Variants in LACTB2 observed in about 807,000 individuals in gnomAD.
The protein encoded by LACTB2 is lactamase beta 2, also known as endoribonuclease LACTB2.
A neutral mutation model predicts 34.8 loss-of-function variants in LACTB2; 32 were observed. That is an observed-to-expected ratio of 0.92 (90% CI 0.69 to 1.24). The LOEUF is 1.24. LACTB2 is among the 50% of genes most tolerant of loss of function. The pLI is 0.00. For missense variants in LACTB2, 320 were observed against 345.0 expected (o/e 0.93, Z 0.57); for synonymous variants, 120 against 117.5 (o/e 1.02, Z -0.14).
intron 1 of LACTB2, among the ~76,000 whole-genome samples, chr8:70,664,686 A>AG (rs1275619633): frequency 1.3e-5 from 2 of 152,204 alleles, no homozygotes; most frequent in Non-Finnish European, 2.9e-5. Context: ...CCAAGCTTTG[A>AG]GGGAAAAAAA....
At chr8:70,645,493 CT>C (rs949433328) in intron 3 of LACTB2, among the ~76,000 whole-genome samples, 1,679 of 144,676 alleles carry the variant, frequency 0.012, 28 homozygotes, top group African/African-American at 0.037. Context: ...GAAAAAGACT[CT>C]TTTTTTTTTT....
intron 6 of LACTB2, 147 bp downstream of exon 6, chr8:70,638,401 C>A: frequency 1.2e-6 from 1 of 813,522 alleles, no homozygotes; most frequent in Non-Finnish European, 1.7e-6. Context: ...CCCTGTGCTA[C>A]TGACCTTCCT....
chr8:70,640,002 C>G (rs546938425), intron 5 of LACTB2, among the ~76,000 whole-genome samples: 2 of 152,144 alleles, frequency 1.3e-5, no homozygotes, highest in Admixed American at 6.5e-5. Context: ...GCACTGTCAC[C>G]TAGGCTGGTG....
At chr8:70,648,196 C>G (rs949419918) in intron 3 of LACTB2, among the ~76,000 whole-genome samples, 2 of 152,174 alleles carry the variant, frequency 1.3e-5, no homozygotes, top group South Asian at 4.1e-4. Context: ...CCCCCACATT[C>G]TCAGAGCTCC....
intron 3 of LACTB2, among the ~76,000 whole-genome samples, chr8:70,649,764 T>A (rs1346279177): frequency 2.0e-5 from 3 of 152,184 alleles, no homozygotes. Flanking sequence ...AATTTCTTTC[T>A]CCCTAGACGC....
At chr8:70,659,295 AAGG>A (rs1483512003) in intron 2 of LACTB2, among the ~76,000 whole-genome samples, 1 of 151,902 alleles carries the variant, frequency 6.6e-6, no homozygotes, top group Admixed American at 6.5e-5. Context: ...GGGAGACCAA[AAGG>A]AGATCAGAGA....
intron 5 of LACTB2, among the ~76,000 whole-genome samples, chr8:70,640,105 C>G (rs1818177265): frequency 6.6e-6 from 1 of 152,138 alleles, no homozygotes; most frequent in East Asian, 1.9e-4. Context: ...GGATCACAGG[C>G]ATGTTCCATG....
At chr8:70,641,674 A>G (rs1050868890) in intron 4 of LACTB2, among the ~76,000 whole-genome samples, 1 of 152,216 alleles carries the variant, frequency 6.6e-6, no homozygotes, top group African/African-American at 2.4e-5. Flanking sequence ...ACCCACAGTA[A>G]AACTTTAAGA....
intron 3 of LACTB2, 49 bp from the exon 4 acceptor site, chr8:70,644,292 T>C: frequency 1.5e-6 from 2 of 1,299,288 alleles, no homozygotes; most frequent in Non-Finnish European, 2.1e-6. Context: ...AACTCGAGCT[T>C]AGAAGAAATT....
intron 3 of LACTB2, among the ~76,000 whole-genome samples, chr8:70,657,255 C>A (rs1358095431): frequency 1.3e-5 from 2 of 152,040 alleles, no homozygotes; most frequent in African/African-American, 4.8e-5. Context: ...TTTTTTAAAA[C>A]AATGGTAATC....
intron 3 of LACTB2, among the ~76,000 whole-genome samples, chr8:70,648,746 G>A (rs1386555368): frequency 2.0e-5 from 3 of 152,062 alleles, no homozygotes; most frequent in Non-Finnish European, 4.4e-5. Flanking sequence ...ACAAAGACTC[G>A]CTTTGACTAA....
rs780064327 is a variant in LACTB2, at chr8:70,637,940, T to C, written c.824-37A>G. 2.3e-5 allele frequency: 29 copies of C among 1,263,144 alleles called. No individual in the cohort carries two copies. The South Asian group carries it at 4.0e-4, about 18-fold the overall frequency. The allele number at this position is 1,263,144 out of a possible 1,614,324, so 78.2% of individuals were successfully genotyped here. On this transcript the variant is annotated intron_variant, in intron 6 of 6. Transcript: ENST00000276590. ...AAATCAGAGAGTAAAAATTTAACAA[T>C]AGATAAGTAAATGCACTGAATTTTA... is the stretch of plus-strand genomic sequence containing the variant.
chr8:70,657,916 C>A, intron 2 of LACTB2, 34 bp from the exon 3 acceptor site: 1 of 1,444,704 alleles, frequency 6.9e-7, no homozygotes, highest in South Asian at 1.3e-5. Flanking sequence ...TATTAATTCA[C>A]ACTTTATAAT....
At chr8:70,645,823 C>T (rs1818257444) in intron 3 of LACTB2, among the ~76,000 whole-genome samples, 2 of 151,988 alleles carry the variant, frequency 1.3e-5, no homozygotes, top group Admixed American at 6.6e-5. Context: ...AGGACATGAA[C>T]TCATCATTTT....
chr8:70,648,303 G>A (rs1017086996), intron 3 of LACTB2, among the ~76,000 whole-genome samples: 3 of 152,100 alleles, frequency 2.0e-5, no homozygotes, highest in African/African-American at 2.4e-5. Flanking sequence ...TGAAGACAGC[G>A]CATAAAAACG....
At chr8:70,650,982 A>G (rs1818336296) in intron 3 of LACTB2, among the ~76,000 whole-genome samples, 1 of 152,004 alleles carries the variant, frequency 6.6e-6, no homozygotes, top group Admixed American at 6.6e-5. Context: ...GGAAACTAGT[A>G]AGTTCATCTC....
In LACTB2 at chr8:70,661,751, C is replaced by T. The variant is rs1184297507; in HGVS notation, c.269G>A (p.Cys90Tyr). 1.2e-6 allele frequency: 2 copies of T among 1,608,052 alleles called. No individual in the cohort carries two copies. The highest frequency in any genetic ancestry group is 4.5e-5 in the East Asian group (2 of 44,792). ...CTGTTTACCATTATTGATGCTTTTACAAATATCTCCTATGCCTCCAGAATG... is the reference window on the plus strand; with the variant it reads ...CTGTTTACCATTATTGATGCTTTTATAAATATCTCCTATGCCTCCAGAATG... ...RDHSGGIGDI[C>Y]KSINNDTTYC... The change falls in exon 2 of 7, where the codon TGT becomes TAT. Residue 90 changes from cysteine to tyrosine, a missense_variant. Cys to Tyr is a radical substitution (Grantham distance 194, BLOSUM62 -2). Coordinates refer to ENST00000276590, the MANE Select transcript of LACTB2 (RefSeq NM_016027.3).
intron 3 of LACTB2, among the ~76,000 whole-genome samples, chr8:70,655,206 G>A (rs1477236382): frequency 7.0e-6 from 1 of 142,642 alleles, no homozygotes; most frequent in Non-Finnish European, 1.5e-5. Context: ...TACAAATGCC[G>A]TTAATTAATT....
At chr8:70,647,668 A>T (rs1229934662) in intron 3 of LACTB2, among the ~76,000 whole-genome samples, 2 of 152,212 alleles carry the variant, frequency 1.3e-5, no homozygotes, top group Admixed American at 1.3e-4. Context: ...AGAAAATGGA[A>T]GCCTAAATAA....
Sources: allele counts gnomAD v4.1 joint callset (sites outside exome capture counted in the v4.1 genomes callset), GRCh38; gene constraint gnomAD v4.1.1; transcripts MANE v1.5; gene names NCBI Gene and HGNC (gene_info 2026-07-23, HGNC 2026-07-21).